Variants in SUMF1 observed in about 807,000 individuals in gnomAD.
SUMF1 encodes the protein sulfatase modifying factor 1, also known as formylglycine-generating enzyme.
In SUMF1, 48 loss-of-function variants were observed where a neutral mutation model predicts 47.6. The observed-to-expected ratio is 1.01, with a 90% CI of 0.80 to 1.28. The LOEUF is 1.28. Ranked by LOEUF, SUMF1 falls within the 50% of genes most tolerant of loss-of-function variation. The pLI is 0.00. For synonymous variants in SUMF1, 230 were observed against 192.1 expected (o/e 1.20, Z -1.63); for missense variants, 571 against 485.4 (o/e 1.18, Z -1.66).
At chr3:4,368,243 C>T (rs1284618232) in intron 8 of SUMF1, among the ~76,000 whole-genome samples, 2 of 152,158 alleles carry the variant, frequency 1.3e-5, no homozygotes, top group East Asian at 1.9e-4. Context: ...AAAATGCTCA[C>T]CATCACTGGC....
intron 8 of SUMF1, among the ~76,000 whole-genome samples, chr3:4,210,361 G>A (rs1044074011): frequency 6.6e-6 from 1 of 152,068 alleles, no homozygotes; most frequent in Admixed American, 6.5e-5. Flanking sequence ...AACAAAACTT[G>A]AGGATTTACA....
chr3:4,282,691 T>C (rs1049739797), intron 8 of SUMF1, among the ~76,000 whole-genome samples: 12 of 152,176 alleles, frequency 7.9e-5, no homozygotes, highest in African/African-American at 2.9e-4. Flanking sequence ...TAGAGAAAGA[T>C]TTTAAAAGAA....
intron 9 of SUMF1, among the ~76,000 whole-genome samples, chr3:4,039,589 A>T (rs1189957542): frequency 6.6e-6 from 1 of 150,480 alleles, no homozygotes; most frequent in Non-Finnish European, 1.5e-5. Flanking sequence ...TCCATGGTGT[A>T]TATGTGCCAC....
At chr3:4,291,091 G>A (rs1242569719) in intron 8 of SUMF1, among the ~76,000 whole-genome samples, 1 of 152,106 alleles carries the variant, frequency 6.6e-6, no homozygotes, top group South Asian at 2.1e-4. Context: ...TTTGTCTAAT[G>A]TCGGGCACAT....
chr3:4,252,571 C>T (rs924567269), intron 8 of SUMF1, among the ~76,000 whole-genome samples: 2 of 152,070 alleles, frequency 1.3e-5, no homozygotes, highest in Non-Finnish European at 2.9e-5. Flanking sequence ...GCCTTTTTGC[C>T]ATTTTTACAC....
At chr3:4,105,508 T>C (rs1034251234) in intron 8 of SUMF1, among the ~76,000 whole-genome samples, 1 of 152,030 alleles carries the variant, frequency 6.6e-6, no homozygotes, top group Admixed American at 6.6e-5. Flanking sequence ...AGGAACATCA[T>C]TGAATGAAAT....
At chr3:4,078,656 G>T (rs1202811014) in intron 8 of SUMF1, among the ~76,000 whole-genome samples, 4 of 151,916 alleles carry the variant, frequency 2.6e-5, no homozygotes, top group Admixed American at 2.6e-4. Flanking sequence ...ACTTTGGGAG[G>T]CCACAGCAGG....
intron 8 of SUMF1, among the ~76,000 whole-genome samples, chr3:4,135,022 CA>C (rs1367634799): frequency 5.9e-5 from 9 of 152,174 alleles, no homozygotes; most frequent in African/African-American, 2.2e-4. Flanking sequence ...GATGGATTCA[CA>C]GCCGAATTCT....
intron 8 of SUMF1, among the ~76,000 whole-genome samples, chr3:4,202,065 C>T (rs577512960): frequency 1.3e-5 from 2 of 151,896 alleles, no homozygotes; most frequent in African/African-American, 2.4e-5. Flanking sequence ...TCTCTTCACA[C>T]TGTTGATTGT....
At chr3:4,439,002 T>C (rs566632032) in intron 3 of SUMF1, among the ~76,000 whole-genome samples, 91 of 152,202 alleles carry the variant, frequency 6.0e-4, no homozygotes, top group Non-Finnish European at 1.2e-3. Flanking sequence ...GATAGCAAAA[T>C]AGCTGCACGC....
intron 8 of SUMF1, among the ~76,000 whole-genome samples, chr3:4,248,304 C>G (rs189968884): frequency 2.6e-5 from 4 of 152,268 alleles, no homozygotes; most frequent in Admixed American, 6.5e-5. Flanking sequence ...CTTGTTTTAA[C>G]TACAAGAACC....
At chr3:4,183,358 T>G (rs578083797) in intron 8 of SUMF1, among the ~76,000 whole-genome samples, 1 of 152,278 alleles carries the variant, frequency 6.6e-6, no homozygotes, top group Non-Finnish European at 1.5e-5. Flanking sequence ...CTGTGAATGA[T>G]GCCTTTAATT....
At chr3:4,463,033 TA>T (rs1332381777) in intron 1 of SUMF1, among the ~76,000 whole-genome samples, 1 of 152,258 alleles carries the variant, frequency 6.6e-6, no homozygotes, top group Non-Finnish European at 1.5e-5. Context: ...TGACCTTCTC[TA>T]TTCCCAAGGC....
At chr3:4,316,518 G>A in intron 8 of SUMF1, 2 of 1,587,954 alleles carry the variant, frequency 1.3e-6, no homozygotes, top group Middle Eastern at 1.7e-4. Context: ...CCATTCTACG[G>A]TCGTTCGACA....
intron 8 of SUMF1, among the ~76,000 whole-genome samples, chr3:4,347,567 G>C (rs1575116920): frequency 6.6e-6 from 1 of 152,204 alleles, no homozygotes; most frequent in Non-Finnish European, 1.5e-5. Context: ...CAAACCCACA[G>C]CCAATATCTT....
At chr3:4,272,530 G>GA (rs1444645118) in intron 8 of SUMF1, among the ~76,000 whole-genome samples, 2 of 152,134 alleles carry the variant, frequency 1.3e-5, no homozygotes, top group African/African-American at 4.8e-5. Flanking sequence ...CTGACACAAG[G>GA]AAACTATCAG....
downstream of SUMF1, among the ~76,000 whole-genome samples, chr3:4,358,139 C>G (rs946597631): frequency 2.0e-5 from 3 of 152,126 alleles, no homozygotes; most frequent in South Asian, 6.2e-4. Context: ...GATTACCACC[C>G]GTATTTCCCC....
chr3:4,254,510 A>T (rs1696897501), intron 8 of SUMF1, among the ~76,000 whole-genome samples: 1 of 150,294 alleles, frequency 6.7e-6, no homozygotes, highest in East Asian at 1.9e-4. Context: ...AAGAAAGGGT[A>T]TCAGCAATGG....
chr3:4,211,147 T>TACACACACAC (rs1238394857), intron 8 of SUMF1, among the ~76,000 whole-genome samples: 5 of 118,490 alleles, frequency 4.2e-5, no homozygotes, highest in Non-Finnish European at 3.5e-5. Flanking sequence ...TATATACATA[T>TACACACACAC]ACATATATAT....
Sources: gnomAD v4.1 joint callset for allele counts (sites outside exome capture counted in the v4.1 genomes callset) on GRCh38, gnomAD v4.1.1 for gene constraint, MANE v1.5 for transcripts, NCBI Gene and HGNC (gene_info 2026-07-23, HGNC 2026-07-21) for gene names.